ANXA8: variants seen among roughly 807,000 people sequenced by gnomAD.
The protein encoded by ANXA8 is VAC-beta.
Under a neutral mutation model 26.8 loss-of-function variants are expected in ANXA8, and 9 were observed. That is an observed-to-expected ratio of 0.34 (90% CI 0.20 to 0.59). ANXA8 has a LOEUF of 0.59. Among genes scored for constraint, ANXA8 ranks in the 20% least tolerant of loss-of-function variants. ANXA8 has a pLI of 0.84. For synonymous variants in ANXA8, 39 were observed against 94.8 expected (o/e 0.41, Z 3.42); for missense variants, 83 against 238.5 (o/e 0.35, Z 4.29).
the ANXA8 span, among the ~76,000 whole-genome samples, chr10:47,706,007 G>T: frequency 0.074 from 11,022 of 149,134 alleles, 701 homozygotes; most frequent in South Asian, 0.22. Flanking sequence ...GTGTTGTGGG[G>T]GGGGAGGGGC....
At chr10:47,991,234 C>T in the ANXA8 span, among the ~76,000 whole-genome samples, 1 of 115,212 alleles carries the variant, frequency 8.7e-6, no homozygotes, top group African/African-American at 3.4e-5. Flanking sequence ...CAGCTTCCCT[C>T]AAAGCCAAGC....
the ANXA8 span, among the ~76,000 whole-genome samples, chr10:47,501,117 T>C: frequency 1.4e-5 from 2 of 143,530 alleles, no homozygotes; most frequent in African/African-American, 5.2e-5. Flanking sequence ...TTAGCCAGGA[T>C]GGTCTTGATC....
At chr10:47,957,746 A>T in the ANXA8 span, among the ~76,000 whole-genome samples, 35,182 of 141,950 alleles carry the variant, frequency 0.25, 1,630 homozygotes, top group Non-Finnish European at 0.35. Flanking sequence ...TCCTGCTTCC[A>T]GTAGCTCCAA....
chr10:47,484,353 G>T, upstream of ANXA8: 2 of 744,974 alleles, frequency 2.7e-6, no homozygotes, highest in South Asian at 3.4e-5. Flanking sequence ...CAAAGTGCTG[G>T]GATTACAGGC....
the ANXA8 span, among the ~76,000 whole-genome samples, chr10:47,669,531 C>A: frequency 2.6e-5 from 4 of 151,742 alleles, no homozygotes; most frequent in East Asian, 1.9e-4. Flanking sequence ...GAAGCCTGGG[C>A]AACATAGCAA....
the ANXA8 span, among the ~76,000 whole-genome samples, chr10:47,651,824 G>A: frequency 2.6e-5 from 4 of 151,778 alleles, no homozygotes; most frequent in African/African-American, 7.3e-5. Context: ...AACCTGGGAG[G>A]TAGAGGTTGC....
chr10:47,733,274 TC>T, the ANXA8 span, among the ~76,000 whole-genome samples: 12 of 117,216 alleles, frequency 1.0e-4, no homozygotes, highest in African/African-American at 3.2e-4. Context: ...TTTCTTTCTT[TC>T]TTTCTTTCTT....
At chr10:47,954,258 G>A in the ANXA8 span, among the ~76,000 whole-genome samples, 1 of 150,982 alleles carries the variant, frequency 6.6e-6, no homozygotes, top group African/African-American at 2.4e-5. Flanking sequence ...GATGGAATTA[G>A]AGGACATAAT....
the ANXA8 span, among the ~76,000 whole-genome samples, chr10:47,945,829 G>A: frequency 2.4e-5 from 3 of 126,202 alleles, no homozygotes; most frequent in Non-Finnish European, 4.8e-5. Context: ...TGTATTTGGA[G>A]GACCTGTGAT....
chr10:47,770,440 C>A, the ANXA8 span, among the ~76,000 whole-genome samples: 1 of 86,662 alleles, frequency 1.2e-5, no homozygotes, highest in African/African-American at 4.9e-5. Context: ...CAGGTCCAAA[C>A]CCCACCTGGA....
chr10:47,763,084 G>A, the ANXA8 span: 1 of 1,000,842 alleles, frequency 1.0e-6, no homozygotes, highest in South Asian at 3.8e-5. Flanking sequence ...TGGTGGCCAG[G>A]ACTGAGCCCC....
chr10:47,778,928 GA>G, the ANXA8 span, among the ~76,000 whole-genome samples: 1 of 151,408 alleles, frequency 6.6e-6, no homozygotes, highest in Non-Finnish European at 1.5e-5. Flanking sequence ...GATATGATAT[GA>G]TATGATATGA....
chr10:47,633,169 C>CTGAT, the ANXA8 span, among the ~76,000 whole-genome samples: 52 of 148,936 alleles, frequency 3.5e-4, 1 homozygote, highest in African/African-American at 1.3e-3. Context: ...CGGCGGGAGC[C>CTGAT]TGATCCCTGC....
chr10:47,668,895 A>C, the ANXA8 span, among the ~76,000 whole-genome samples: 6 of 151,356 alleles, frequency 4.0e-5, no homozygotes, highest in Non-Finnish European at 7.4e-5. Flanking sequence ...GGCACCCTTC[A>C]TGTCAGCTTC....
At chr10:47,548,793 T>C in the ANXA8 span, among the ~76,000 whole-genome samples, 2 of 151,888 alleles carry the variant, frequency 1.3e-5, no homozygotes, top group African/African-American at 4.8e-5. Context: ...ATGAAGGTTC[T>C]AGAACCATCA....
the ANXA8 span, among the ~76,000 whole-genome samples, chr10:47,495,002 G>C: frequency 6.6e-6 from 1 of 151,278 alleles, no homozygotes; most frequent in Non-Finnish European, 1.5e-5. Context: ...GCAGCCATCA[G>C]TAGAAAGATG....
the ANXA8 span, among the ~76,000 whole-genome samples, chr10:47,940,936 G>C: frequency 2.8e-5 from 4 of 141,582 alleles, no homozygotes; most frequent in African/African-American, 1.1e-4. Flanking sequence ...GAGGAAGGGA[G>C]GGAGAGTGAG....
At chr10:47,676,081 T>C in the ANXA8 span, among the ~76,000 whole-genome samples, 1 of 151,424 alleles carries the variant, frequency 6.6e-6, no homozygotes, top group Non-Finnish European at 1.5e-5. Context: ...GGCTTAACAG[T>C]TTATGGACAT....
At chr10:47,674,812 T>C in the ANXA8 span, among the ~76,000 whole-genome samples, 5 of 151,872 alleles carry the variant, frequency 3.3e-5, no homozygotes, top group African/African-American at 7.3e-5. Flanking sequence ...TATTTTATTG[T>C]TCAAGTTGTT....
Sources: gnomAD v4.1 joint callset for allele counts (sites outside exome capture counted in the v4.1 genomes callset) on GRCh38, gnomAD v4.1.1 for gene constraint, MANE v1.5 for transcripts, NCBI Gene and HGNC (gene_info 2026-07-23, HGNC 2026-07-21) for gene names.